Variants in PLEKHA5 observed in about 807,000 individuals in gnomAD.
PLEKHA5 encodes pleckstrin homology domain containing A5.
In PLEKHA5, 55 loss-of-function variants were observed where a neutral mutation model predicts 181.9. That is an observed-to-expected ratio of 0.30 (90% CI 0.24 to 0.38). The LOEUF (loss-of-function observed/expected upper bound fraction) is 0.38. PLEKHA5 is among the 10% of genes least tolerant of loss of function. PLEKHA5 has a pLI of 1.00. For synonymous variants in PLEKHA5, 535 were observed against 529.4 expected (o/e 1.01, Z -0.15); for missense variants, 1,432 against 1,549.5 (o/e 0.92, Z 1.27).
chr12:19,170,412 G>A lies in PLEKHA5; in HGVS notation c.227+37962G>A, dbSNP rs553725507. 2.8e-3 allele frequency among the ~76,000 whole-genome samples: 399 copies of A among 142,950 alleles called. 5 individuals are homozygous for A. Among genetic ancestry groups the A allele is most frequent in the African/African-American group, 8.9e-3 (349 of 39,098 alleles). The allele number at this position is 142,950 out of a possible 152,430, so 93.8% of individuals were successfully genotyped here. On this transcript the variant is annotated intron_variant, in intron 3 of 31. Coordinates refer to ENST00000429027, the MANE Select transcript of PLEKHA5 (RefSeq NM_001256470.2). ...AATTGTATGAGGGAGACTTGTGAGC[G>A]TAACAATTCAGAAGACTTTTTTTTT...
intron 3 of PLEKHA5, among the ~76,000 whole-genome samples, chr12:19,252,406 A>G (rs1358706353): frequency 1.3e-5 from 2 of 152,294 alleles, no homozygotes; most frequent in East Asian, 3.9e-4. Context: ...AGATTACTTT[A>G]TGGTATATGA....
chr12:19,142,378 T>G (rs983867714), intron 3 of PLEKHA5, among the ~76,000 whole-genome samples: 3 of 152,018 alleles, frequency 2.0e-5, no homozygotes, highest in South Asian at 2.1e-4. Context: ...CTAAAAAAAT[T>G]TTTTTAAAAG....
In PLEKHA5 at chr12:19,360,528, C is replaced by G. The variant is rs185585374; in HGVS notation, c.3483+982C>G. ...CTGAAGCAGGAGAATCGCTTGAACC[C>G]GGGAGTCAGAGGTTGCAATGAGCTG... On this transcript the variant is annotated intron_variant, in intron 28 of 31. Coordinates refer to ENST00000429027, the MANE Select transcript of PLEKHA5 (RefSeq NM_001256470.2). 1.4e-3 allele frequency among the ~76,000 whole-genome samples: 218 copies of G among 151,162 alleles called. 7 individuals carry two copies. The East Asian group carries it at 0.039, about 27-fold the overall frequency.
intron 20 of PLEKHA5, among the ~76,000 whole-genome samples, chr12:19,335,167 G>T (rs1004821356): frequency 2.0e-5 from 3 of 148,828 alleles, no homozygotes; most frequent in African/African-American, 7.4e-5. Flanking sequence ...GAGTAGCTGG[G>T]ACCACAGGCA....
At chr12:19,185,730 A>T (rs993853881) in intron 3 of PLEKHA5, among the ~76,000 whole-genome samples, 2 of 152,194 alleles carry the variant, frequency 1.3e-5, no homozygotes, top group East Asian at 3.9e-4. Flanking sequence ...TGTACTTAAC[A>T]TATCTTAAAG....
intron 10 of PLEKHA5, among the ~76,000 whole-genome samples, chr12:19,272,859 C>T (rs2073367158): frequency 6.6e-6 from 1 of 152,138 alleles, no homozygotes; most frequent in Non-Finnish European, 1.5e-5. Flanking sequence ...CCTACCCTCC[C>T]AAATAGCAAG....
chr12:19,333,825 G>A (rs2093095918), intron 20 of PLEKHA5, among the ~76,000 whole-genome samples: 1 of 151,824 alleles, frequency 6.6e-6, no homozygotes, highest in Non-Finnish European at 1.5e-5. Flanking sequence ...TGACCAGGCT[G>A]GTCTTAAACT....
chr12:19,363,372 G>A (rs1231788863), intron 29 of PLEKHA5, among the ~76,000 whole-genome samples: 1 of 151,376 alleles, frequency 6.6e-6, no homozygotes, highest in African/African-American at 2.4e-5. Context: ...GTTTCACCGT[G>A]TTAGCCAGGA....
intron 29 of PLEKHA5, among the ~76,000 whole-genome samples, chr12:19,362,098 C>G (rs1329907931): frequency 1.4e-5 from 2 of 143,298 alleles, no homozygotes; most frequent in East Asian, 4.2e-4. Context: ...AGCCCAAGAG[C>G]TCGAGGCTGC....
chr12:19,257,383 ATCTCTAGGCAT>A, intron 5 of PLEKHA5, 39 bp from the exon 6 acceptor site: 3 of 837,064 alleles, frequency 3.6e-6, no homozygotes, highest in Non-Finnish European at 5.9e-6. Flanking sequence ...ATAAGCTCAA[ATCTCTAGGCAT>A]TAATACCACA....
intron 21 of PLEKHA5, 85 bp downstream of exon 21, chr12:19,336,701 A>T (rs559634543): frequency 5.5e-6 from 4 of 729,382 alleles, no homozygotes; most frequent in Admixed American, 2.9e-5. Context: ...ACGCATACCC[A>T]TAACAGTTTT....
chr12:19,354,207 T>A (rs374900534), intron 26 of PLEKHA5, among the ~76,000 whole-genome samples: 8 of 127,018 alleles, frequency 6.3e-5, no homozygotes, highest in South Asian at 2.8e-4. Context: ...GCTGGAGTGC[T>A]GTGGCGCGAT....
At chr12:19,242,325 G>A (rs149597806) in intron 3 of PLEKHA5, among the ~76,000 whole-genome samples, 45 of 151,694 alleles carry the variant, frequency 3.0e-4, no homozygotes, top group Non-Finnish European at 5.3e-4. Context: ...TGCAGCCTCC[G>A]CGTCCTGGGT....
chr12:19,305,563 A>T (rs1478403972), intron 15 of PLEKHA5, among the ~76,000 whole-genome samples: 2 of 148,460 alleles, frequency 1.3e-5, no homozygotes, highest in Non-Finnish European at 3.0e-5. Context: ...TGTCTCAAAA[A>T]AAAAAAAAAA....
At position 19,340,762 on chromosome 12, in the gene PLEKHA5, G is replaced by T. The variant is rs138008094; in HGVS notation, c.2551-2561G>T. Reference sequence around the variant, plus strand: ...ACAGATGCTTGAAGGCAGCATGCTCGTTAAGAGTCATCACCACTCCCTAAT... The same window carrying T: ...ACAGATGCTTGAAGGCAGCATGCTCTTTAAGAGTCATCACCACTCCCTAAT... On this transcript the variant is annotated intron_variant, in intron 21 of 31. Coordinates refer to ENST00000429027, the MANE Select transcript of PLEKHA5 (RefSeq NM_001256470.2). 3.0e-3 allele frequency among the ~76,000 whole-genome samples: 419 copies of T among 140,420 alleles called. 2 individuals are homozygous for T. The highest frequency in any genetic ancestry group is 0.01 in the African/African-American group (405 of 39,432). The allele number at this position is 140,420 out of a possible 152,430, so 92.1% of individuals were successfully genotyped here.
At chr12:19,317,505 A>G (rs575287275) in intron 16 of PLEKHA5, among the ~76,000 whole-genome samples, 1 of 152,090 alleles carries the variant, frequency 6.6e-6, no homozygotes, top group Non-Finnish European at 1.5e-5. Flanking sequence ...ACAAATGCCT[A>G]TAGTCCTATG....
At chr12:19,133,140 T>C (rs778848828) in intron 3 of PLEKHA5, among the ~76,000 whole-genome samples, 3 of 151,952 alleles carry the variant, frequency 2.0e-5, no homozygotes, top group Non-Finnish European at 4.4e-5. Context: ...AGTCAAGATG[T>C]TTTATTGATA....
At chr12:19,137,202 AT>A (rs1164097874) in intron 3 of PLEKHA5, among the ~76,000 whole-genome samples, 2 of 151,876 alleles carry the variant, frequency 1.3e-5, no homozygotes, top group East Asian at 3.9e-4. Context: ...CGCCTGGCTA[AT>A]TTTTTGTATT....
At chr12:19,201,367 C>G (rs2054140713) in intron 3 of PLEKHA5, 2 of 152,094 alleles carry the variant, frequency 1.3e-5, no homozygotes, top group South Asian at 4.1e-4. Flanking sequence ...TGGAGAAACT[C>G]AAACTCTGTT....
Sources: allele counts gnomAD v4.1 joint callset (sites outside exome capture counted in the v4.1 genomes callset), GRCh38; gene constraint gnomAD v4.1.1; transcripts MANE v1.5; gene names NCBI Gene and HGNC (gene_info 2026-07-23, HGNC 2026-07-21).